LRBA: variants seen among roughly 807,000 people sequenced by gnomAD.
LRBA encodes the protein lipopolysaccharide-responsive and beige-like anchor protein.
In LRBA, 176 loss-of-function variants were observed where a neutral mutation model predicts 330.0. That is an observed-to-expected ratio of 0.53 (90% CI 0.47 to 0.60). LRBA has a LOEUF of 0.60. Ranked by LOEUF, LRBA falls within the 20% of genes least tolerant of loss-of-function variation. The pLI, the probability that LRBA is intolerant of heterozygous loss-of-function variation, is 0.00. For synonymous variants in LRBA, 1,230 were observed against 1,193.0 expected (o/e 1.03, Z -0.64); for missense variants, 3,259 against 3,444.8 (o/e 0.95, Z 1.35).
intron 17 of LRBA, among the ~76,000 whole-genome samples, chr4:150,878,484 A>T (rs1379297664): frequency 6.6e-6 from 1 of 152,140 alleles, no homozygotes; most frequent in African/African-American, 2.4e-5. Context: ...AAAATAAAAA[A>T]TAACAAAAAT....
chr4:150,450,375 G>T (rs1428636464), intron 44 of LRBA, among the ~76,000 whole-genome samples: 1 of 152,154 alleles, frequency 6.6e-6, no homozygotes, highest in Non-Finnish European at 1.5e-5. Flanking sequence ...TTGTTGGCAG[G>T]TTCATGCTCT....
At chr4:150,822,949 A>G (rs1243860019) in intron 30 of LRBA, among the ~76,000 whole-genome samples, 1 of 152,108 alleles carries the variant, frequency 6.6e-6, no homozygotes, top group Admixed American at 6.6e-5. Flanking sequence ...CGGTAAGCAC[A>G]GTGTTATAAA....
At chr4:150,436,617 T>G (rs1024443227) in intron 45 of LRBA, 107 bp downstream of exon 45, 2 of 828,136 alleles carry the variant, frequency 2.4e-6, no homozygotes, top group Non-Finnish European at 3.6e-6. Flanking sequence ...TAATTTAAAC[T>G]GACTCTTTTA....
At chr4:150,501,224 C>T (rs550769190) in intron 40 of LRBA, among the ~76,000 whole-genome samples, 17 of 152,308 alleles carry the variant, frequency 1.1e-4, no homozygotes, top group Middle Eastern at 3.4e-3. Flanking sequence ...TATGACACTA[C>T]ATCACTAGTC....
chr4:150,945,047 T>C (rs2149532901), intron 2 of LRBA, among the ~76,000 whole-genome samples: 1 of 152,340 alleles, frequency 6.6e-6, no homozygotes, highest in South Asian at 2.1e-4. Flanking sequence ...AAAACTCACT[T>C]TCTTTATAAA....
intron 35 of LRBA, 109 bp from the exon 36 acceptor site, chr4:150,735,475 A>T (rs1380204456): frequency 2.7e-6 from 2 of 733,408 alleles, no homozygotes; most frequent in Admixed American, 2.0e-5. Context: ...TTCTTTTGAC[A>T]TCATACACAA....
chr4:150,714,052 CA>C (rs1786491885), intron 36 of LRBA, among the ~76,000 whole-genome samples: 1 of 152,084 alleles, frequency 6.6e-6, no homozygotes, highest in Non-Finnish European at 1.5e-5. Context: ...GTCTAAGTAC[CA>C]CTTCTTTACA....
rs369054756 is a variant in LRBA, at chr4:150,392,922, C to T, written c.7194+22516G>A. On this transcript the variant is annotated intron_variant, in intron 47 of 56. Transcript: ENST00000651943. ...CATGCAGGGCTTAAAACCTAGATGA[C>T]GGGTTAAAAGGTGCAGCGAACCACC... is the stretch of plus-strand genomic sequence containing the variant. Among the ~76,000 whole-genome samples the T allele has an allele frequency of 2.2e-4, 34 of 151,410 alleles. No homozygotes were observed. In the South Asian group the frequency reaches 3.8e-3, roughly 17 times the overall value.
intron 44 of LRBA, among the ~76,000 whole-genome samples, chr4:150,457,374 T>G (rs1272315977): frequency 6.6e-6 from 1 of 152,048 alleles, no homozygotes; most frequent in Non-Finnish European, 1.5e-5. Flanking sequence ...GGAAGAGTCC[T>G]CAGAATAGTG....
intron 2 of LRBA, among the ~76,000 whole-genome samples, chr4:150,944,230 C>G (rs1735995693): frequency 2.0e-5 from 3 of 152,186 alleles, no homozygotes; most frequent in African/African-American, 7.2e-5. Context: ...ATTTGTAACA[C>G]AGCAATACAT....
intron 54 of LRBA, among the ~76,000 whole-genome samples, chr4:150,282,949 C>A (rs1747723327): frequency 1.3e-5 from 2 of 152,268 alleles, no homozygotes; most frequent in Admixed American, 6.5e-5. Flanking sequence ...ACTGGAGGAA[C>A]TGAGAAACAG....
intron 33 of LRBA, among the ~76,000 whole-genome samples, chr4:150,803,675 T>C (rs1406765056): frequency 6.6e-6 from 1 of 152,140 alleles, no homozygotes; most frequent in Non-Finnish European, 1.5e-5. Flanking sequence ...TTACAGTACA[T>C]GAAACCACAA....
intron 17 of LRBA, among the ~76,000 whole-genome samples, chr4:150,880,492 C>T (rs919040897): frequency 6.7e-6 from 1 of 148,338 alleles, no homozygotes; most frequent in African/African-American, 2.5e-5. Context: ...TGCACTCCAA[C>T]CTGGGAAACA....
intron 28 of LRBA, among the ~76,000 whole-genome samples, chr4:150,837,061 T>A (rs1748220865): frequency 6.6e-6 from 1 of 152,238 alleles, no homozygotes; most frequent in Non-Finnish European, 1.5e-5. Context: ...TACCCAGTAG[T>A]CATTCAGGAG....
intron 46 of LRBA, among the ~76,000 whole-genome samples, chr4:150,419,530 T>G (rs1044262377): frequency 6.6e-6 from 1 of 152,154 alleles, no homozygotes; most frequent in African/African-American, 2.4e-5. Flanking sequence ...GAAGAAGGGC[T>G]AAGTTCAAAT....
intron 47 of LRBA, among the ~76,000 whole-genome samples, chr4:150,408,736 C>T (rs62347043): frequency 0.23 from 34,408 of 151,980 alleles, 4,529 homozygotes; most frequent in Non-Finnish European, 0.31. Context: ...GAATGCAAGG[C>T]TGGTTTAACA....
chr4:150,531,843 C>T lies in LRBA; in HGVS notation c.6331-40808G>A, dbSNP rs929686129. On this transcript the variant is annotated intron_variant, in intron 40 of 56. Transcript: ENST00000651943. ...GGATTCTCCTAATTAAAATAAGACA[C>T]AGGACATGGAATCAAAAGACACTTT... 3.9e-5 allele frequency among the ~76,000 whole-genome samples: 6 copies of T among 152,190 alleles called. No individual in the cohort carries two copies. In the South Asian group the frequency reaches 1.2e-3, roughly 32 times the overall value.
At chr4:150,911,121 C>T (rs1380284474) in intron 9 of LRBA, among the ~76,000 whole-genome samples, 1 of 152,154 alleles carries the variant, frequency 6.6e-6, no homozygotes, top group Non-Finnish European at 1.5e-5. Context: ...GATATAAGGT[C>T]ATGCCATACG....
At chr4:150,399,468 T>G (rs1052803711) in intron 47 of LRBA, among the ~76,000 whole-genome samples, 1 of 152,114 alleles carries the variant, frequency 6.6e-6, no homozygotes, top group South Asian at 2.1e-4. Context: ...TGATACCCCA[T>G]ATAGACCAGA....
Sources: allele counts gnomAD v4.1 joint callset (sites outside exome capture counted in the v4.1 genomes callset), GRCh38; gene constraint gnomAD v4.1.1; transcripts MANE v1.5; gene names NCBI Gene and HGNC (gene_info 2026-07-23, HGNC 2026-07-21).